The following CEPT1 variants were observed in gnomAD, a reference collection of about 807,000 sequenced individuals.
The protein encoded by CEPT1 is choline/ethanolaminephosphotransferase 1.
Under a neutral mutation model 42.6 loss-of-function variants are expected in CEPT1, and 7 were observed. That is an observed-to-expected ratio of 0.16 (90% CI 0.09 to 0.31). The LOEUF is 0.31. CEPT1 is among the 10% of genes least tolerant of loss of function. The pLI is 1.00. For synonymous variants in CEPT1, 171 were observed against 171.9 expected (o/e 0.99, Z 0.04); for missense variants, 306 against 502.1 (o/e 0.61, Z 3.73).
intron 2 of CEPT1, among the ~76,000 whole-genome samples, chr1:111,155,766 G>T (rs1000432859): frequency 3.3e-5 from 5 of 152,120 alleles, no homozygotes; most frequent in African/African-American, 7.2e-5. Flanking sequence ...TCAAACTCCC[G>T]ACCTCAGGTG....
chr1:111,168,045 AT>A (rs1265031567), intron 4 of CEPT1: 10 of 155,256 alleles, frequency 6.4e-5, no homozygotes, highest in Non-Finnish European at 1.3e-4. Context: ...CTAATTTTAA[AT>A]TTTTTTTTTG....
intron 4 of CEPT1, among the ~76,000 whole-genome samples, chr1:111,168,485 C>G (rs1252772958): frequency 1.3e-5 from 2 of 149,578 alleles, no homozygotes; most frequent in South Asian, 4.2e-4. Context: ...TGGCCAAGTT[C>G]TTTGGTTCTT....
chr1:111,177,321 T>C (rs1241676830), intron 5 of CEPT1, among the ~76,000 whole-genome samples: 2 of 152,210 alleles, frequency 1.3e-5, no homozygotes, highest in East Asian at 1.9e-4. Context: ...TTGGGGATGC[T>C]GAATAAACTT....
At chr1:111,155,547 G>GT (rs1557927339) in intron 2 of CEPT1, among the ~76,000 whole-genome samples, 2 of 151,052 alleles carry the variant, frequency 1.3e-5, no homozygotes, top group African/African-American at 4.9e-5. Context: ...CTTTTTTGGG[G>GT]GTTTTTTTTG....
chr1:111,149,877 G>C (rs532955285), intron 2 of CEPT1, among the ~76,000 whole-genome samples: 2 of 152,338 alleles, frequency 1.3e-5, no homozygotes, highest in Admixed American at 1.3e-4. Flanking sequence ...GTCATTTATG[G>C]AACACCACAG....
intron 3 of CEPT1, chr1:111,159,885 C>T (rs561490626): frequency 6.1e-6 from 1 of 163,246 alleles, no homozygotes; most frequent in Non-Finnish European, 1.3e-5. Context: ...GTTATGTAGA[C>T]ATTCAGAATT....
At chr1:111,178,940 T>C (rs1300610074) in intron 5 of CEPT1, 2 of 152,244 alleles carry the variant, frequency 1.3e-5, no homozygotes, top group African/African-American at 4.8e-5. Flanking sequence ...GTAGACACTG[T>C]AATTATGTTA....
chr1:111,173,928 T>A (rs566153539), intron 4 of CEPT1, among the ~76,000 whole-genome samples: 1 of 152,288 alleles, frequency 6.6e-6, no homozygotes, highest in East Asian at 1.9e-4. Context: ...AGTACCATAA[T>A]TTATATAACT....
At position 111,157,326 on chromosome 1, in the gene CEPT1, C is replaced by T. The variant is rs757030639; in HGVS notation, c.340-2054C>T. ...CCCAAGAAACCCCTAGATTTCTTGTCCCCTAAAGCAGAGGTATTCAGCAGA... is the reference window on the plus strand; with the variant it reads ...CCCAAGAAACCCCTAGATTTCTTGTTCCCTAAAGCAGAGGTATTCAGCAGA... On this transcript the variant is annotated intron_variant, in intron 2 of 8. Transcript: ENST00000357172. 1.1e-4 allele frequency among the ~76,000 whole-genome samples: 17 copies of T among 152,224 alleles called. No individual in the cohort carries two copies. The Middle Eastern group carries it at 0.017, about 152-fold the overall frequency.
chr1:111,175,028 T>G, intron 5 of CEPT1, 65 bp downstream of exon 5: 1 of 981,636 alleles, frequency 1.0e-6, no homozygotes, highest in Non-Finnish European at 1.7e-6. Context: ...TTTTCTAATA[T>G]GGGATAATCC....
intron 2 of CEPT1, among the ~76,000 whole-genome samples, chr1:111,152,366 G>A (rs1172748933): frequency 6.6e-6 from 1 of 152,080 alleles, no homozygotes; most frequent in African/African-American, 2.4e-5. Flanking sequence ...AATGCAAAGA[G>A]TGGCATAAAA....
intron 1 of CEPT1, chr1:111,140,698 T>G (rs1052793030): frequency 3.3e-5 from 5 of 152,342 alleles, no homozygotes; most frequent in African/African-American, 1.2e-4. Context: ...GCTTGTCAGG[T>G]CCACACCCTC....
chr1:111,149,269 T>TTTTTTTTTTTTTTTTTC lies in CEPT1; in HGVS notation c.339+1227_339+1228insTTTTTCTTTTTTTTTTT, dbSNP rs1368500905. Among the ~76,000 whole-genome samples, 5 of 149,276 alleles carry TTTTTTTTTTTTTTTTTC rather than the reference T, an allele frequency of 3.3e-5. 1 individual carries two copies. Among genetic ancestry groups the TTTTTTTTTTTTTTTTTC allele is most frequent in the African/African-American group, 1.2e-4 (5 of 40,202 alleles). ...GATGTAAAATCTGGTTTCTCCTCTT[T>TTTTTTTTTTTTTTTTTC]TTTTTTTTTTTGAGACAGGGTCTGC... On this transcript the variant is annotated intron_variant, in intron 2 of 8. Transcript: ENST00000357172.
chr1:111,161,773 A>G (rs1338853379), intron 4 of CEPT1, among the ~76,000 whole-genome samples: 2 of 152,216 alleles, frequency 1.3e-5, no homozygotes, highest in East Asian at 3.8e-4. Flanking sequence ...TTATTATCTC[A>G]CAGTTCACTT....
intron 2 of CEPT1, among the ~76,000 whole-genome samples, chr1:111,148,402 T>G (rs1369070670): frequency 2.6e-5 from 4 of 151,628 alleles, no homozygotes; most frequent in Non-Finnish European, 1.5e-5. Flanking sequence ...GTGAGAAAAC[T>G]CTCTGGTATT....
intron 4 of CEPT1, chr1:111,167,616 G>A: frequency 3.1e-6 from 3 of 979,120 alleles, no homozygotes; most frequent in Non-Finnish European, 3.6e-6. Flanking sequence ...TGCTTATTCT[G>A]TTAACTTCTT....
chr1:111,168,494 T>C (rs1656250817), intron 4 of CEPT1, among the ~76,000 whole-genome samples: 1 of 144,096 alleles, frequency 6.9e-6, no homozygotes, highest in Admixed American at 6.9e-5. Flanking sequence ...TCTTTGGTTC[T>C]TTTTTTTTTT....
intron 2 of CEPT1, among the ~76,000 whole-genome samples, chr1:111,159,018 A>G (rs960059902): frequency 2.3e-5 from 3 of 132,986 alleles, no homozygotes; most frequent in Non-Finnish European, 3.1e-5. Flanking sequence ...GGTTCACGCC[A>G]TTCTCCTGCC....
intron 2 of CEPT1, among the ~76,000 whole-genome samples, chr1:111,153,997 T>C (rs1279406218): frequency 2.0e-5 from 3 of 152,056 alleles, no homozygotes; most frequent in African/African-American, 7.2e-5. Flanking sequence ...AAGAATGTCA[T>C]TGGTATTTTG....
Sources: gnomAD v4.1 joint callset for allele counts (sites outside exome capture counted in the v4.1 genomes callset) on GRCh38, gnomAD v4.1.1 for gene constraint, MANE v1.5 for transcripts, NCBI Gene and HGNC (gene_info 2026-07-23, HGNC 2026-07-21) for gene names.